TPTE2: variants seen among roughly 807,000 people sequenced by gnomAD.
TPTE2 encodes the protein transmembrane phosphoinositide 3-phosphatase and tensin homolog 2, also known as phosphatidylinositol 3,4,5-trisphosphate 3-phosphatase TPTE2.
Under a neutral mutation model 78.6 loss-of-function variants are expected in TPTE2, and 53 were observed. The ratio of observed to expected loss-of-function variants is 0.67; its 90% CI spans 0.54 to 0.85. TPTE2 has a LOEUF of 0.85. Among genes scored for constraint, TPTE2 ranks in the 40% least tolerant of loss-of-function variants. The pLI is 0.00. For missense variants in TPTE2, 461 were observed against 623.0 expected, an observed-to-expected ratio of 0.74 and a Z score of 2.77; for synonymous variants, 175 against 206.2, an observed-to-expected ratio of 0.85 and a Z score of 1.30.
chr13:19,546,489 T>C, the TPTE2 span, among the ~76,000 whole-genome samples: 408 of 128,522 alleles, frequency 3.2e-3, 1 homozygote, highest in African/African-American at 0.012. Context: ...TTTTCTTTTT[T>C]TTTTTTTTTT....
chr13:19,496,155 C>T (rs764644266), intron 1 of TPTE2, among the ~76,000 whole-genome samples: 2 of 152,160 alleles, frequency 1.3e-5, no homozygotes, highest in Non-Finnish European at 2.9e-5. Flanking sequence ...CCTGAGCCAC[C>T]GCACCCGACC....
upstream of TPTE2, among the ~76,000 whole-genome samples, chr13:19,505,054 T>G (rs1165031157): frequency 2.0e-5 from 3 of 152,148 alleles, no homozygotes; most frequent in Non-Finnish European, 2.9e-5. Context: ...AATTCTAAAC[T>G]TACTTTTTGG....
At chr13:19,537,674 C>T (rs1025135430), upstream of TPTE2, among the ~76,000 whole-genome samples, 4 of 151,672 alleles carry the variant, frequency 2.6e-5, no homozygotes, top group Non-Finnish European at 4.4e-5. Flanking sequence ...ACTGTGTTGG[C>T]TCACTGCAAC....
the TPTE2 span, among the ~76,000 whole-genome samples, chr13:19,550,641 A>G: frequency 3.3e-5 from 5 of 152,086 alleles, no homozygotes; most frequent in East Asian, 7.7e-4. Context: ...TATTCCCATC[A>G]TTTTAGAGAT....
intron 13 of TPTE2, among the ~76,000 whole-genome samples, chr13:19,443,538 C>T (rs912151458): frequency 1.3e-5 from 2 of 151,830 alleles, no homozygotes; most frequent in Non-Finnish European, 2.9e-5. Flanking sequence ...GAGTAGCTGG[C>T]ATTACAGGCA....
chr13:19,539,302 G>A (rs1260601713), upstream of TPTE2, among the ~76,000 whole-genome samples: 2 of 152,248 alleles, frequency 1.3e-5, no homozygotes, highest in Non-Finnish European at 2.9e-5. Flanking sequence ...CACATGAAGT[G>A]GGAGGGACCT....
chr13:19,462,018 C>T (rs2137556723), intron 10 of TPTE2, among the ~76,000 whole-genome samples: 1 of 149,726 alleles, frequency 6.7e-6, no homozygotes, highest in South Asian at 2.1e-4. Context: ...TTCAAGGTTA[C>T]TATTAATAGA....
upstream of TPTE2, among the ~76,000 whole-genome samples, chr13:19,507,304 T>TAAAA (rs370011146): frequency 7.4e-3 from 827 of 112,054 alleles, 8 homozygotes; most frequent in African/African-American, 9.1e-3. Context: ...CTAGCTGTTC[T>TAAAA]AAAAAAAAAA....
At chr13:19,550,890 C>G in the TPTE2 span, among the ~76,000 whole-genome samples, 3 of 151,828 alleles carry the variant, frequency 2.0e-5, no homozygotes, top group African/African-American at 7.3e-5. Flanking sequence ...CTCCTGGGTT[C>G]AGGTGATTCT....
the TPTE2 span, chr13:19,561,194 A>T: frequency 1.3e-6 from 2 of 1,531,512 alleles, no homozygotes; most frequent in Non-Finnish European, 1.8e-6. Flanking sequence ...AGCCCTTTGG[A>T]CTGTCAGGCC....
At chr13:19,472,885 T>C (rs1018363172) in intron 6 of TPTE2, among the ~76,000 whole-genome samples, 4 of 152,220 alleles carry the variant, frequency 2.6e-5, no homozygotes, top group Non-Finnish European at 4.4e-5. Context: ...AACTTGGATA[T>C]TGTGATCTAA....
At chr13:19,499,324 AC>A (rs1881604383) in intron 1 of TPTE2, among the ~76,000 whole-genome samples, 1 of 151,974 alleles carries the variant, frequency 6.6e-6, no homozygotes, top group Non-Finnish European at 1.5e-5. Context: ...AGAACTCTCC[AC>A]CCCAAATCAA....
chr13:19,540,491 G>T (rs886227615), upstream of TPTE2, among the ~76,000 whole-genome samples: 1 of 151,806 alleles, frequency 6.6e-6, no homozygotes, highest in African/African-American at 2.4e-5. Flanking sequence ...TTTTAGTAGA[G>T]ATGGGGTTTC....
At chr13:19,499,780 G>C (rs1258837526) in intron 1 of TPTE2, among the ~76,000 whole-genome samples, 1 of 147,026 alleles carries the variant, frequency 6.8e-6, no homozygotes, top group Non-Finnish European at 1.5e-5. Flanking sequence ...GCTAGCAGAA[G>C]GCAAGAAATA....
chr13:19,457,518 TC>T (rs1489971181), intron 10 of TPTE2, among the ~76,000 whole-genome samples: 3 of 152,146 alleles, frequency 2.0e-5, no homozygotes, highest in African/African-American at 7.2e-5. Flanking sequence ...ATGCTCTCCT[TC>T]CCCCATCCCC....
chr13:19,561,287 T>C, the TPTE2 span: 2 of 1,043,660 alleles, frequency 1.9e-6, no homozygotes, highest in Non-Finnish European at 1.4e-6. Flanking sequence ...GCGGCTGCCC[T>C]CCTGCCCCAG....
chr13:19,473,434 C>T (rs1301951860), intron 6 of TPTE2, among the ~76,000 whole-genome samples: 1 of 152,046 alleles, frequency 6.6e-6, no homozygotes, highest in Non-Finnish European at 1.5e-5. Flanking sequence ...TGCAGTCCCT[C>T]CCACTCTTTC....
chr13:19,447,987 T>C (rs1455751363), intron 13 of TPTE2, among the ~76,000 whole-genome samples: 1 of 152,102 alleles, frequency 6.6e-6, no homozygotes, highest in Non-Finnish European at 1.5e-5. Context: ...AACAGACATA[T>C]AGACCAATGG....
chr13:19,438,278 G>A (rs981598062), intron 13 of TPTE2, 125 bp from the exon 17 acceptor site: 46 of 1,363,992 alleles, frequency 3.4e-5, no homozygotes, highest in Non-Finnish European at 4.0e-5. Context: ...GCTGTGTCAC[G>A]CAGGCTGGAG....
Sources: gnomAD v4.1 joint callset for allele counts (sites outside exome capture counted in the v4.1 genomes callset) on GRCh38, gnomAD v4.1.1 for gene constraint, MANE v1.5 for transcripts, NCBI Gene and HGNC (gene_info 2026-07-23, HGNC 2026-07-21) for gene names.